CPNE4: variants seen among roughly 807,000 people sequenced by gnomAD.
CPNE4 encodes the protein copine-4.
Under a neutral mutation model 67.9 loss-of-function variants are expected in CPNE4, and 25 were observed. That is an observed-to-expected ratio of 0.37 (90% CI 0.27 to 0.51). CPNE4 has a LOEUF of 0.51. Among genes scored for constraint, CPNE4 ranks in the 20% least tolerant of loss-of-function variants. The probability of loss-of-function intolerance (pLI) is 0.93; values close to 1 mark genes in which losing one functional copy is unlikely to be tolerated. For synonymous variants in CPNE4, 242 were observed against 244.9 expected, an observed-to-expected ratio of 0.99 and a Z score of 0.11; for missense variants, 464 against 690.8, an observed-to-expected ratio of 0.67 and a Z score of 3.68.
chr3:131,642,027 G>A (rs2079553457), intron 7 of CPNE4, among the ~76,000 whole-genome samples: 1 of 152,060 alleles, frequency 6.6e-6, no homozygotes, highest in Non-Finnish European at 1.5e-5. Flanking sequence ...GGGTGGCGAG[G>A]AATAAAAGAC....
At chr3:131,938,477 A>G (rs937388796) in intron 1 of CPNE4, among the ~76,000 whole-genome samples, 2 of 152,300 alleles carry the variant, frequency 1.3e-5, no homozygotes, top group Admixed American at 1.3e-4. Context: ...GTGTTTTTAC[A>G]CTGCTATAAA....
intron 1 of CPNE4, among the ~76,000 whole-genome samples, chr3:131,935,549 C>G: frequency 6.6e-6 from 1 of 151,902 alleles, no homozygotes; most frequent in Non-Finnish European, 1.5e-5. Flanking sequence ...AATGTGAGGC[C>G]CGAGTCCTTT....
At chr3:131,818,531 G>T (rs952602901) in intron 2 of CPNE4, among the ~76,000 whole-genome samples, 4 of 152,198 alleles carry the variant, frequency 2.6e-5, no homozygotes, top group Non-Finnish European at 5.9e-5. Flanking sequence ...ACTACTCAAA[G>T]TGTGGTCCAT....
At chr3:131,547,490 A>C (rs1165271162) in intron 14 of CPNE4, among the ~76,000 whole-genome samples, 4 of 124,272 alleles carry the variant, frequency 3.2e-5, no homozygotes, top group African/African-American at 3.3e-5. Flanking sequence ...AAAAAAAAAA[A>C]AAAAAAAAAA....
chr3:131,907,812 A>G (rs1233653604), intron 1 of CPNE4, among the ~76,000 whole-genome samples: 2 of 152,080 alleles, frequency 1.3e-5, no homozygotes, highest in Non-Finnish European at 2.9e-5. Context: ...GGTAAAAGGA[A>G]CCTCAGTTCC....
chr3:131,562,952 G>C (rs1936857516), intron 11 of CPNE4, among the ~76,000 whole-genome samples: 2 of 152,006 alleles, frequency 1.3e-5, no homozygotes, highest in Admixed American at 1.3e-4. Flanking sequence ...AAAGCTCTTT[G>C]ATTTTACTGG....
At chr3:131,996,143 C>T (rs1178636282) in intron 1 of CPNE4, among the ~76,000 whole-genome samples, 10 of 152,156 alleles carry the variant, frequency 6.6e-5, no homozygotes, top group Non-Finnish European at 1.0e-4. Context: ...GCACAGGACA[C>T]GATAAAATGC....
chr3:131,817,983 GT>G (rs764798492), intron 2 of CPNE4, among the ~76,000 whole-genome samples: 10 of 152,142 alleles, frequency 6.6e-5, no homozygotes, highest in Non-Finnish European at 1.2e-4. Context: ...TATTTAAAAA[GT>G]GCACCTTGTG....
At chr3:131,791,170 T>A (rs1199762109) in intron 2 of CPNE4, among the ~76,000 whole-genome samples, 1 of 152,228 alleles carries the variant, frequency 6.6e-6, no homozygotes, top group Non-Finnish European at 1.5e-5. Context: ...ACCACTAGGA[T>A]AAATGAGATT....
chr3:131,715,844 C>G (rs1282687972), intron 3 of CPNE4, among the ~76,000 whole-genome samples: 1 of 152,198 alleles, frequency 6.6e-6, no homozygotes, highest in Admixed American at 6.5e-5. Flanking sequence ...TCACATCTCT[C>G]TTTGGCGTAC....
rs185241615 is a variant in CPNE4 at position 131,862,049 on chromosome 3, G to A, written c.180+43215C>T. On this transcript the variant is annotated intron_variant, in intron 2 of 15. Coordinates refer to ENST00000429747, the MANE Select transcript of CPNE4 (RefSeq NM_130808.3). Reference sequence around the variant, plus strand: ...TCCCAGTAGACACAGATATTACCCAGGGGCTCTTTTCTTTGCAATTTTTTT... The same window carrying A: ...TCCCAGTAGACACAGATATTACCCAAGGGCTCTTTTCTTTGCAATTTTTTT... 4.6e-5 allele frequency among the ~76,000 whole-genome samples: 7 copies of A among 152,266 alleles called. No homozygotes were observed. The East Asian group carries it at 1.4e-3, about 29-fold the overall frequency.
chr3:131,678,414 G>A (rs993303487), intron 6 of CPNE4, among the ~76,000 whole-genome samples: 2 of 152,202 alleles, frequency 1.3e-5, no homozygotes, highest in South Asian at 2.1e-4. Context: ...CTTCCTATTT[G>A]AATGCCCTTT....
rs547975225 is a variant in CPNE4, at chr3:131,695,911, A to C, written c.507+631T>G. 1.1e-4 allele frequency among the ~76,000 whole-genome samples: 16 copies of C among 152,336 alleles called. No homozygotes were observed. In the South Asian group the frequency reaches 3.1e-3, roughly 30 times the overall value. ...ATTGTGGATATATTATTACTATATC[A>C]TTTGTTTTTTAGATGTATGTTTTAC... On this transcript the variant is annotated intron_variant, in intron 5 of 15. Transcript: ENST00000429747.
At chr3:131,607,679 T>A (rs1215778588) in intron 7 of CPNE4, among the ~76,000 whole-genome samples, 1 of 152,194 alleles carries the variant, frequency 6.6e-6, no homozygotes, top group Non-Finnish European at 1.5e-5. Flanking sequence ...ATTTTAAAAG[T>A]TCATTTCAAA....
chr3:131,805,744 C>T (rs2107925683), intron 2 of CPNE4, among the ~76,000 whole-genome samples: 1 of 152,284 alleles, frequency 6.6e-6, no homozygotes, highest in South Asian at 2.1e-4. Context: ...TGTTCTAAGA[C>T]AGATCTAGGG....
chr3:131,759,699 G>A (rs2107811123), intron 2 of CPNE4, among the ~76,000 whole-genome samples: 1 of 152,300 alleles, frequency 6.6e-6, no homozygotes, highest in African/African-American at 2.4e-5. Flanking sequence ...CTTTATGATT[G>A]TTAAGATAAT....
intron 2 of CPNE4, among the ~76,000 whole-genome samples, chr3:131,892,783 CT>C (rs1268585160): frequency 2.6e-5 from 4 of 151,922 alleles, no homozygotes; most frequent in Non-Finnish European, 5.9e-5. Flanking sequence ...CTACAAGACT[CT>C]TTGTATTAGC....
chr3:131,888,530 A>G (rs2087985804), intron 2 of CPNE4, among the ~76,000 whole-genome samples: 1 of 152,214 alleles, frequency 6.6e-6, no homozygotes, highest in African/African-American at 2.4e-5. Context: ...TAAAATATTT[A>G]ATTAGCCTAT....
At chr3:131,786,393 A>G (rs2083563829) in intron 2 of CPNE4, among the ~76,000 whole-genome samples, 2 of 152,176 alleles carry the variant, frequency 1.3e-5, no homozygotes, top group Admixed American at 1.3e-4. Context: ...ACTTCAGACA[A>G]TATGGAAATT....
Sources: allele counts gnomAD v4.1 joint callset (sites outside exome capture counted in the v4.1 genomes callset), GRCh38; gene constraint gnomAD v4.1.1; transcripts MANE v1.5; gene names NCBI Gene and HGNC (gene_info 2026-07-23, HGNC 2026-07-21).